EEIG2: variants seen among roughly 807,000 people sequenced by gnomAD.
EEIG2 encodes EEIG family member 2.
chr1:108,581,498 T>A, the EEIG2 span, among the ~76,000 whole-genome samples: 1 of 152,180 alleles, frequency 6.6e-6, no homozygotes, highest in Non-Finnish European at 1.5e-5. Flanking sequence ...TAGATGCCAT[T>A]AAGCACATTT....
the EEIG2 span, among the ~76,000 whole-genome samples, chr1:108,606,702 C>T: frequency 2.0e-5 from 3 of 152,246 alleles, no homozygotes; most frequent in Non-Finnish European, 4.4e-5. Flanking sequence ...GAATTAGTAA[C>T]AACATTACCA....
At chr1:108,612,233 G>T in the EEIG2 span, 1 of 1,613,416 alleles carries the variant, frequency 6.2e-7, no homozygotes, top group Non-Finnish European at 8.5e-7. Context: ...AATACCACTC[G>T]CCGCTGTTTA....
the EEIG2 span, among the ~76,000 whole-genome samples, chr1:108,573,274 A>G: frequency 1.3e-5 from 2 of 152,242 alleles, no homozygotes; most frequent in African/African-American, 4.8e-5. Context: ...TTATACTAGT[A>G]GTAAGTGATA....
the EEIG2 span, among the ~76,000 whole-genome samples, chr1:108,609,560 A>G: frequency 2.0e-5 from 3 of 152,198 alleles, no homozygotes; most frequent in Non-Finnish European, 4.4e-5. Flanking sequence ...TCCGAGAGAC[A>G]GCATTTCCCG....
chr1:108,560,434 G>A, the EEIG2 span: 1 of 1,604,128 alleles, frequency 6.2e-7, no homozygotes, highest in African/African-American at 1.3e-5. Context: ...TCACGATGAT[G>A]AAGAAGAAGA....
chr1:108,581,521 A>G, the EEIG2 span, among the ~76,000 whole-genome samples: 1 of 151,878 alleles, frequency 6.6e-6, no homozygotes, highest in South Asian at 2.1e-4. Context: ...GATTTATGGG[A>G]GGAGGTCAAA....
chr1:108,599,188 A>G, the EEIG2 span, among the ~76,000 whole-genome samples: 1 of 152,148 alleles, frequency 6.6e-6, no homozygotes, highest in East Asian at 1.9e-4. Context: ...ACAAAAAAAA[A>G]ACAACTGATA....
chr1:108,593,700 G>A, the EEIG2 span, among the ~76,000 whole-genome samples: 1 of 152,202 alleles, frequency 6.6e-6, no homozygotes. Flanking sequence ...GAGACCTAAA[G>A]CCTTATCTAG....
chr1:108,610,864 GCAGAGCTTGCAGTGAGC>G, the EEIG2 span, among the ~76,000 whole-genome samples: 1 of 152,116 alleles, frequency 6.6e-6, no homozygotes, highest in Non-Finnish European at 1.5e-5. Context: ...AAGCTGGGAG[GCAGAGCTTGCAGTGAGC>G]CAGAGCTTGC....
At chr1:108,578,573 T>C in the EEIG2 span, among the ~76,000 whole-genome samples, 1 of 150,310 alleles carries the variant, frequency 6.7e-6, no homozygotes, top group South Asian at 2.1e-4. Flanking sequence ...GGTTTTTGTC[T>C]TTGGCTCTGT....
At chr1:108,623,235 A>G in the EEIG2 span, among the ~76,000 whole-genome samples, 34 of 152,282 alleles carry the variant, frequency 2.2e-4, no homozygotes, top group East Asian at 5.8e-3. Flanking sequence ...GCACTTTGAG[A>G]GGCTGAGGCA....
At chr1:108,575,732 C>T in the EEIG2 span, among the ~76,000 whole-genome samples, 5 of 152,230 alleles carry the variant, frequency 3.3e-5, no homozygotes, top group South Asian at 1.0e-3. Flanking sequence ...TTCTATGATT[C>T]AATTGATATA....
chr1:108,606,296 C>T, the EEIG2 span: 6 of 1,384,526 alleles, frequency 4.3e-6, no homozygotes, highest in East Asian at 1.5e-4. Context: ...TGTAATGTTG[C>T]TTATTGCTAT....
chr1:108,570,046 CTT>C, the EEIG2 span, among the ~76,000 whole-genome samples: 3 of 152,174 alleles, frequency 2.0e-5, no homozygotes, highest in Non-Finnish European at 2.9e-5. Context: ...CAAATTTACT[CTT>C]TTAATTACCT....
At chr1:108,627,889 A>G in the EEIG2 span, 3 of 375,858 alleles carry the variant, frequency 8.0e-6, no homozygotes, top group East Asian at 4.4e-5. Flanking sequence ...GTTTTGAACA[A>G]CAGGAGTTTA....
chr1:108,635,023 C>A, the EEIG2 span: 1 of 1,289,906 alleles, frequency 7.8e-7, no homozygotes, highest in African/African-American at 1.5e-5. Flanking sequence ...ACCCAGTGCC[C>A]CATCTCTCCA....
the EEIG2 span, among the ~76,000 whole-genome samples, chr1:108,578,727 T>C: frequency 1.3e-5 from 2 of 151,160 alleles, no homozygotes; most frequent in African/African-American, 4.9e-5. Flanking sequence ...CCCATCAGAC[T>C]AACAGCGGAT....
chr1:108,628,885 ACAT>A, the EEIG2 span: 11 of 1,197,016 alleles, frequency 9.2e-6, no homozygotes, highest in Non-Finnish European at 1.3e-5. Flanking sequence ...GAGGCTCAGA[ACAT>A]CATAATACTG....
chr1:108,612,213 T>A, the EEIG2 span: 2 of 1,613,434 alleles, frequency 1.2e-6, no homozygotes, highest in Non-Finnish European at 1.7e-6. Flanking sequence ...CAGAGTTTGC[T>A]GGATCAGGAA....
Sources: allele counts gnomAD v4.1 joint callset (sites outside exome capture counted in the v4.1 genomes callset), GRCh38; gene constraint gnomAD v4.1.1; transcripts MANE v1.5; gene names NCBI Gene and HGNC (gene_info 2026-07-23, HGNC 2026-07-21).